NETO1: variants seen among roughly 807,000 people sequenced by gnomAD.
The protein encoded by NETO1 is neuropilin and tolloid-like protein 1.
In NETO1, 26 loss-of-function variants were observed where a neutral mutation model predicts 61.3. That is an observed-to-expected ratio of 0.42 (90% confidence interval 0.31 to 0.59). The LOEUF (loss-of-function observed/expected upper bound fraction) is 0.59, where lower values mean the gene tolerates loss of function less well. Among genes scored for constraint, NETO1 ranks in the 20% least tolerant of loss-of-function variants. The pLI is 0.12. For synonymous variants in NETO1, 225 were observed against 225.8 expected (o/e 1.00, Z 0.03); for missense variants, 531 against 662.8 (o/e 0.80, Z 2.18).
chr18:72,798,280 T>C (rs1490860043), intron 4 of NETO1, among the ~76,000 whole-genome samples: 1 of 152,124 alleles, frequency 6.6e-6, no homozygotes, highest in Non-Finnish European at 1.5e-5. Flanking sequence ...TTGCGAACTG[T>C]GCATGCGAGG....
intron 6 of NETO1, among the ~76,000 whole-genome samples, chr18:72,792,962 C>T (rs115460678): frequency 1.3e-5 from 2 of 152,220 alleles, no homozygotes; most frequent in African/African-American, 4.8e-5. Context: ...GGCAGCTGTA[C>T]GATTCTACCA....
chr18:72,865,094 G>A, intron 2 of NETO1, 94 bp downstream of exon 2: 1 of 1,418,686 alleles, frequency 7.0e-7, no homozygotes, highest in Non-Finnish European at 9.8e-7. Flanking sequence ...ATTATAACAG[G>A]TTCAGATATT....
chr18:72,857,602 G>C (rs952970974), intron 4 of NETO1, among the ~76,000 whole-genome samples: 9 of 152,028 alleles, frequency 5.9e-5, no homozygotes, highest in African/African-American at 2.2e-4. Context: ...TATCAGTTAA[G>C]AAAAAAATAC....
chr18:72,742,557 A>G (rs1327505168), downstream of NETO1: 1 of 152,210 alleles, frequency 6.6e-6, no homozygotes, highest in African/African-American at 2.4e-5. Context: ...ACATACTTTT[A>G]CAGATGAGGA....
chr18:72,797,003 A>G (rs2072338414), intron 4 of NETO1, among the ~76,000 whole-genome samples: 1 of 152,164 alleles, frequency 6.6e-6, no homozygotes, highest in Non-Finnish European at 1.5e-5. Context: ...GTTCTCATCA[A>G]GCAGTTCCAT....
chr18:72,825,402 CTGTACTCATATATTG>C (rs1472127452), intron 4 of NETO1, among the ~76,000 whole-genome samples: 7 of 152,092 alleles, frequency 4.6e-5, no homozygotes, highest in Non-Finnish European at 1.0e-4. Flanking sequence ...TCTAATCTAA[CTGTACTCATATATTG>C]TAATTTCATT....
intron 7 of NETO1, among the ~76,000 whole-genome samples, chr18:72,780,244 G>C (rs183368100): frequency 1.3e-5 from 2 of 152,312 alleles, no homozygotes; most frequent in Admixed American, 1.3e-4. Context: ...CATTTGAAGA[G>C]AGTGATTATT....
intron 6 of NETO1, among the ~76,000 whole-genome samples, chr18:72,790,328 A>C (rs991463146): frequency 3.9e-5 from 6 of 152,176 alleles, no homozygotes; most frequent in African/African-American, 1.4e-4. Context: ...TTATTTGTCA[A>C]TTAAAAATAA....
intron 4 of NETO1, among the ~76,000 whole-genome samples, chr18:72,839,214 G>A (rs1004766660): frequency 1.3e-5 from 2 of 152,182 alleles, no homozygotes; most frequent in Non-Finnish European, 2.9e-5. Flanking sequence ...CTGAATCCCA[G>A]TATGAGTAAA....
chr18:72,765,097 G>A (rs965180104), intron 7 of NETO1, among the ~76,000 whole-genome samples: 3 of 152,148 alleles, frequency 2.0e-5, no homozygotes, highest in Non-Finnish European at 2.9e-5. Flanking sequence ...ATAATGTTAG[G>A]TTAATTTCCA....
rs568645406 is a variant in NETO1, at chr18:72,836,952, C to G, written c.469+21874G>C. 4.6e-5 allele frequency among the ~76,000 whole-genome samples: 7 copies of G among 152,152 alleles called. No homozygotes were observed. The South Asian group carries it at 1.2e-3, about 27-fold the overall frequency. On this transcript the variant is annotated intron_variant, in intron 4 of 10. Transcript: ENST00000327305. Reference sequence around the variant, plus strand: ...CTGTAGGAATGGAGAAAAGGAAAAGCACATGAGAAGTTTTAGAATGCAGAT... The same window carrying G: ...CTGTAGGAATGGAGAAAAGGAAAAGGACATGAGAAGTTTTAGAATGCAGAT...
chr18:72,804,947 T>A (rs1214436998), intron 4 of NETO1, among the ~76,000 whole-genome samples: 1 of 152,228 alleles, frequency 6.6e-6, no homozygotes, highest in African/African-American at 2.4e-5. Context: ...CTTTACTAAT[T>A]TCCTAAGTTA....
Position 72,756,016 on chromosome 18 carries a change from TCAGG to T in NETO1, c.982+14_982+17del. 7.0e-7 allele frequency: 1 copy of T among 1,425,962 alleles called. No individual in the cohort carries two copies. The allele number at this position is 1,425,962 out of a possible 1,614,324, so 88.3% of individuals were successfully genotyped here. ...ACAGGGAGGAAATTTTTTTCAAATT[TCAGG>T]CACTAATCATTACCTTTACAGTGAT... On this transcript the variant is annotated intron_variant, in intron 8 of 10. Transcript: ENST00000327305.
At chr18:72,785,861 C>G (rs1184695438) in intron 6 of NETO1, among the ~76,000 whole-genome samples, 2 of 152,144 alleles carry the variant, frequency 1.3e-5, no homozygotes, top group Admixed American at 6.6e-5. Flanking sequence ...AACGGTTGCA[C>G]ATCCAATGAA....
At position 72,750,219 on chromosome 18, in the gene NETO1, G is replaced by C; in HGVS notation, c.1384C>G (p.Pro462Ala). 1 of 1,614,026 alleles carries C rather than the reference G, an allele frequency of 6.2e-7. No homozygotes were observed. The highest frequency in any genetic ancestry group is 1.3e-5 in the African/African-American group (1 of 75,030). Reference protein sequence around the residue: ...ASILTEMPTQPGKPLIPPMNR... With the variant: ...ASILTEMPTQAGKPLIPPMNR... ...ATGGGTGGGATGAGGGGTTTTCCTG[G>C]CTGTGTGGGCATCTCTGTCAAGATA... is the stretch of plus-strand genomic sequence containing the variant. The change falls in exon 9 of 11, where the codon CCA becomes GCA. Residue 462 changes from proline to alanine, a missense_variant. Transcript: ENST00000327305.
intron 4 of NETO1, among the ~76,000 whole-genome samples, chr18:72,795,440 A>C (rs1280892868): frequency 6.6e-6 from 1 of 152,190 alleles, no homozygotes; most frequent in East Asian, 1.9e-4. Context: ...GATGTCACTG[A>C]GACATTGTAT....
At chr18:72,753,597 A>G (rs910493086) in intron 8 of NETO1, among the ~76,000 whole-genome samples, 2 of 152,228 alleles carry the variant, frequency 1.3e-5, no homozygotes, top group African/African-American at 4.8e-5. Context: ...TCCACATGAA[A>G]AAATTGAACA....
At chr18:72,845,880 A>G (rs936465195) in intron 4 of NETO1, among the ~76,000 whole-genome samples, 1 of 152,212 alleles carries the variant, frequency 6.6e-6, no homozygotes, top group African/African-American at 2.4e-5. Context: ...AGTCTAGAAG[A>G]GAATATATAC....
At chr18:72,832,957 C>T (rs903316572) in intron 4 of NETO1, among the ~76,000 whole-genome samples, 1 of 152,118 alleles carries the variant, frequency 6.6e-6, no homozygotes, top group African/African-American at 2.4e-5. Flanking sequence ...AAATGGATGA[C>T]ATTTTTAGAA....
Sources: allele counts gnomAD v4.1 joint callset (sites outside exome capture counted in the v4.1 genomes callset), GRCh38; gene constraint gnomAD v4.1.1; transcripts MANE v1.5; gene names NCBI Gene and HGNC (gene_info 2026-07-23, HGNC 2026-07-21).